The following DPY19L2 variants were observed in gnomAD, a reference collection of about 807,000 sequenced individuals.
DPY19L2 encodes dpy-19 like 2, also known as probable C-mannosyltransferase DPY19L2.
Under a neutral mutation model 97.9 loss-of-function variants are expected in DPY19L2, and 34 were observed. The observed-to-expected ratio is 0.35, with a 90% CI of 0.26 to 0.46. DPY19L2 has a LOEUF of 0.46. Ranked by LOEUF, DPY19L2 falls within the 20% of genes least tolerant of loss-of-function variation. The pLI, the probability that DPY19L2 is intolerant of heterozygous loss-of-function variation, is 1.00. For synonymous variants in DPY19L2, 230 were observed against 307.9 expected, an observed-to-expected ratio of 0.75 and a Z score of 2.65; for missense variants, 623 against 911.4, an observed-to-expected ratio of 0.68 and a Z score of 4.07.
At chr12:63,616,559 T>C (rs1887859724) in intron 11 of DPY19L2, among the ~76,000 whole-genome samples, 1 of 152,080 alleles carries the variant, frequency 6.6e-6, no homozygotes, top group East Asian at 1.9e-4. Flanking sequence ...CAGGAGAATA[T>C]TCTAGGTTCT....
chr12:63,631,659 T>A lies in DPY19L2; in HGVS notation c.804-5133A>T, dbSNP rs1890685001. On this transcript the variant is annotated intron_variant, in intron 6 of 21. Transcript: ENST00000324472. ...TAAAAGAAGGAGCTGGTACCATTCC[T>A]TCTGAAACTATTCCAATCAATAGAA... Among the ~76,000 whole-genome samples the A allele has an allele frequency of 2.0e-5, 3 of 152,230 alleles. No homozygotes were observed. The South Asian group carries it at 6.2e-4, about 32-fold the overall frequency.
chr12:63,630,547 G>A (rs541240908), intron 6 of DPY19L2, among the ~76,000 whole-genome samples: 3 of 151,942 alleles, frequency 2.0e-5, no homozygotes, highest in African/African-American at 7.2e-5. Context: ...CCCAATACAG[G>A]AGCACCTAGA....
intron 9 of DPY19L2, among the ~76,000 whole-genome samples, chr12:63,620,944 A>G (rs1237001237): frequency 6.6e-6 from 1 of 152,030 alleles, no homozygotes; most frequent in Non-Finnish European, 1.5e-5. Context: ...TATCCTCAGC[A>G]ACAGGAACAG....
At chr12:63,651,705 A>T (rs995522608) in intron 4 of DPY19L2, 3 of 453,844 alleles carry the variant, frequency 6.6e-6, no homozygotes, top group African/African-American at 6.0e-5. Flanking sequence ...GTATGCTGGA[A>T]AGGATGGTTA....
intron 6 of DPY19L2, among the ~76,000 whole-genome samples, chr12:63,633,414 G>A (rs1421713832): frequency 6.6e-6 from 1 of 152,182 alleles, no homozygotes; most frequent in Non-Finnish European, 1.5e-5. Context: ...GACATGAACA[G>A]ACACTTCTCA....
intron 8 of DPY19L2, among the ~76,000 whole-genome samples, chr12:63,622,875 G>A (rs531085931): frequency 8.7e-4 from 132 of 152,236 alleles, no homozygotes; most frequent in African/African-American, 2.7e-3. Context: ...GCAGTGAGCC[G>A]ATCGTGCCAC....
intron 12 of DPY19L2, among the ~76,000 whole-genome samples, chr12:63,605,838 T>C (rs1360879045): frequency 6.6e-6 from 1 of 152,200 alleles, no homozygotes; most frequent in African/African-American, 2.4e-5. Flanking sequence ...CCCAGCATCA[T>C]TTAGTGACAT....
At chr12:63,612,603 T>TTA (rs558362671) in intron 11 of DPY19L2, among the ~76,000 whole-genome samples, 2 of 134,000 alleles carry the variant, frequency 1.5e-5, no homozygotes, top group South Asian at 2.4e-4. Flanking sequence ...TTTATACCTT[T>TTA]AAAAAAAAAA....
At chr12:63,621,994 T>C (rs1201608439) in intron 8 of DPY19L2, among the ~76,000 whole-genome samples, 3 of 152,152 alleles carry the variant, frequency 2.0e-5, no homozygotes, top group Admixed American at 6.5e-5. Flanking sequence ...ACTGCAACTC[T>C]TCCTTTTATA....
chr12:63,646,260 A>T lies in DPY19L2; in HGVS notation c.709+985T>A, dbSNP rs1275489244. On this transcript the variant is annotated intron_variant, in intron 5 of 21. Coordinates refer to ENST00000324472, the MANE Select transcript of DPY19L2 (RefSeq NM_173812.5). ...TAACTTATCACTTATTGGGAATGTAACTAATACCATACTTAGGTGATCATT... is the reference window on the plus strand; with the variant it reads ...TAACTTATCACTTATTGGGAATGTATCTAATACCATACTTAGGTGATCATT... 1.3e-5 allele frequency among the ~76,000 whole-genome samples: 2 copies of T among 152,120 alleles called. 1 individual carries two copies. The highest frequency in any genetic ancestry group is 2.9e-5 in the Non-Finnish European group (2 of 68,004).
At chr12:63,630,961 A>G (rs1890512921) in intron 6 of DPY19L2, among the ~76,000 whole-genome samples, 1 of 152,202 alleles carries the variant, frequency 6.6e-6, no homozygotes, top group South Asian at 2.1e-4. Context: ...CTGCTCCTGA[A>G]TGACTACCGG....
intron 21 of DPY19L2, among the ~76,000 whole-genome samples, chr12:63,564,184 A>C (rs1446317320): frequency 1.3e-5 from 2 of 152,088 alleles, no homozygotes; most frequent in East Asian, 3.9e-4. Context: ...CTCAAGAATC[A>C]GTGTTTGGTT....
chr12:63,590,815 A>C (rs1327739373), intron 16 of DPY19L2, among the ~76,000 whole-genome samples: 1 of 151,908 alleles, frequency 6.6e-6, no homozygotes, highest in African/African-American at 2.4e-5. Flanking sequence ...AGCCCCTGCT[A>C]TTATTATTTT....
At chr12:63,600,127 G>A (rs555474605) in intron 13 of DPY19L2, among the ~76,000 whole-genome samples, 179 bp downstream of exon 13, 33 of 151,962 alleles carry the variant, frequency 2.2e-4, no homozygotes, top group Non-Finnish European at 3.7e-4. Flanking sequence ...CTTTTTAGTG[G>A]GTTGCAAAGA....
At chr12:63,664,667 G>A (rs145203102) in intron 2 of DPY19L2, among the ~76,000 whole-genome samples, 243 of 152,244 alleles carry the variant, frequency 1.6e-3, no homozygotes, top group African/African-American at 5.4e-3. Context: ...AACAGCTGTC[G>A]GCAGTGAAGA....
intron 4 of DPY19L2, among the ~76,000 whole-genome samples, chr12:63,656,489 C>T (rs1894992150): frequency 2.0e-5 from 3 of 152,158 alleles, no homozygotes; most frequent in Non-Finnish European, 2.9e-5. Context: ...CCTAGGTTTG[C>T]ATATGCATGT....
intron 11 of DPY19L2, among the ~76,000 whole-genome samples, chr12:63,614,347 A>G (rs568420125): frequency 1.3e-5 from 2 of 152,302 alleles, no homozygotes; most frequent in East Asian, 3.9e-4. Flanking sequence ...AGACTAAAAT[A>G]ACCAAGATAA....
rs190005096 is a variant in DPY19L2, at chr12:63,591,858, C to T, written c.1580+2229G>A. On this transcript the variant is annotated intron_variant, in intron 16 of 21. Transcript: ENST00000324472. ...ACTGGCAGAGCTGAGATGAGATGAT[C>T]GCGTGAGTCCGGGATGTCCAGGCTG... Among the ~76,000 whole-genome samples the T allele has an allele frequency of 2.3e-3, 346 of 150,192 alleles. 3 individuals are homozygous for T. The highest frequency in any genetic ancestry group is 8.2e-3 in the African/African-American group (334 of 40,632).
chr12:63,603,494 T>C (rs1478672189), intron 12 of DPY19L2, among the ~76,000 whole-genome samples: 2 of 152,122 alleles, frequency 1.3e-5, no homozygotes, highest in Admixed American at 6.6e-5. Flanking sequence ...CAGCATTCAT[T>C]AGCTACTTTT....
Sources: allele counts gnomAD v4.1 joint callset (sites outside exome capture counted in the v4.1 genomes callset), GRCh38; gene constraint gnomAD v4.1.1; transcripts MANE v1.5; gene names NCBI Gene and HGNC (gene_info 2026-07-23, HGNC 2026-07-21).